Variants in ATP8B3 observed in about 807,000 individuals in gnomAD.
The protein encoded by ATP8B3 is ATPase phospholipid transporting 8B3, also known as phospholipid-transporting ATPase IK.
In ATP8B3, 141 loss-of-function variants were observed where a neutral mutation model predicts 140.9. The observed-to-expected ratio is 1.00, with a 90% CI of 0.87 to 1.15. The LOEUF (loss-of-function observed/expected upper bound fraction) is 1.15. Ranked by LOEUF, ATP8B3 falls within the 50% of genes most tolerant of loss-of-function variation. The pLI is 0.00. For missense variants in ATP8B3, 1,874 were observed against 1,740.6 expected (o/e 1.08, Z -1.36); for synonymous variants, 765 against 714.6 (o/e 1.07, Z -1.13).
rs775419310 is a variant in ATP8B3 at position 1,809,678 on chromosome 19, T to C, written c.367A>G (p.Lys123Glu). The change falls in exon 4 of 29, where the codon AAG becomes GAG. Residue 123 changes from lysine to glutamate, a missense_variant. Transcript: ENST00000310127. ...NRAYNGQFKEKVILCWQRKKY... is the reference protein window; with the variant it reads ...NRAYNGQFKEEVILCWQRKKY... ...TTCCTTTGCCAGCACAGGATCACCT[T>C]CTCCTTGAACTGCCCGTTGTAGGCA... The C allele has an allele frequency of 3.0e-5, 48 of 1,611,134 alleles. No individual in the cohort carries two copies. Among genetic ancestry groups the C allele is most frequent in the Non-Finnish European group, 3.6e-5 (43 of 1,179,112 alleles).
intron 24 of ATP8B3, among the ~76,000 whole-genome samples, 170 bp downstream of exon 24, chr19:1,788,727 C>G (rs548725633): frequency 3.3e-5 from 5 of 152,330 alleles, no homozygotes; most frequent in African/African-American, 1.2e-4. Context: ...CTCCCTTCAC[C>G]TGGACTCTAG....
rs1395189425 is a variant in ATP8B3 at position 1,805,530 on chromosome 19, A to G, written c.822-74T>C. On this transcript the variant is annotated intron_variant, in intron 9 of 28. Coordinates refer to ENST00000310127, the MANE Select transcript of ATP8B3 (RefSeq NM_138813.4). The surrounding 1 kb of genome is among the most constrained non-coding windows in gnomAD (Gnocchi z 5.2). ...CGAGGAGCCCCCAGACCCCTTCTGG[A>G]GTCACTCAAACATTTTCACTGAGCA... The G allele has an allele frequency of 7.8e-7, 1 of 1,280,088 alleles. No homozygotes were observed. Among genetic ancestry groups the G allele is most frequent in the Non-Finnish European group, 1.1e-6 (1 of 901,504 alleles). The allele number at this position is 1,280,088 out of a possible 1,614,324, so 79.3% of individuals were successfully genotyped here. A position where few individuals can be genotyped will look rare whatever the true frequency, so the allele number is the denominator to read the frequency against.
intron 14 of ATP8B3, among the ~76,000 whole-genome samples, chr19:1,797,466 ATTTT>A (rs1284196342): frequency 7.5e-6 from 1 of 133,230 alleles, no homozygotes; most frequent in Non-Finnish European, 1.6e-5. Flanking sequence ...GTTCTTTTTT[ATTTT>A]TATTTATTTA....
chr19:1,807,151 C>T lies in ATP8B3; in HGVS notation c.615+17G>A. 2 of 1,605,814 alleles carry T rather than the reference C, an allele frequency of 1.2e-6. No individual in the cohort carries two copies. Among genetic ancestry groups the T allele is most frequent in the East Asian group, 4.5e-5 (2 of 44,786 alleles). ...CCCCGCTCCCTCCCCCAGGCAGCTG[C>T]ATCCAACAGCACTCACCATGTCGTC... is the stretch of plus-strand genomic sequence containing the variant. On this transcript the variant is annotated intron_variant, in intron 6 of 28. Coordinates refer to ENST00000310127, the MANE Select transcript of ATP8B3 (RefSeq NM_138813.4). This position sits in a 1 kb window ranked among gnomAD's most constrained non-coding sequence, Gnocchi z 5.9.
In ATP8B3 at chr19:1,796,183, G is replaced by C. The variant is rs369853245; in HGVS notation, c.1836C>G (p.Ser612=). The C allele has an allele frequency of 2.5e-6, 4 of 1,612,772 alleles. No homozygotes were observed. Among genetic ancestry groups the C allele is most frequent in the Non-Finnish European group, 2.5e-6 (3 of 1,179,878 alleles). ...AARNFGYVFL[S]RTQDTVTIME... is the part of the protein sequence containing the mutation. ...TGATCGTGACGGTGTCCTGGGTGCG[G>C]GACAGGAACACGTAGCCGAAGTTCC... Residue 612 remains serine, a synonymous_variant, in exon 17 of 29, where the codon TCC becomes TCG. Coordinates refer to ENST00000310127, the MANE Select transcript of ATP8B3 (RefSeq NM_138813.4).
At chr19:1,783,381 G>T in intron 28 of ATP8B3, 111 bp from the exon 29 acceptor site, 1 of 1,364,412 alleles carries the variant, frequency 7.3e-7, no homozygotes. Context: ...ACTATTGATT[G>T]GCTACGTTCT....
Position 1,784,891 on chromosome 19 carries a change from A to G in ATP8B3, c.3588T>C (p.Ser1196=), listed in dbSNP as rs3764605. 0.47 allele frequency: 755,901 copies of G among 1,612,062 alleles called. 179,781 individuals carry two copies. The highest frequency in any genetic ancestry group is 0.51 in the Middle Eastern group (3,063 of 6,050). Residue 1196 remains serine, a synonymous_variant, in exon 28 of 29, where the codon AGT becomes AGC. Coordinates refer to ENST00000310127, the MANE Select transcript of ATP8B3 (RefSeq NM_138813.4). ...GGACAGGGAAGGTGTTTATGGACAC[A>G]CTCAGCAGGACCACCAGCAGGATGG... The part of the protein sequence containing the change: ...SPSILLVVLL[S]VSINTFPVLA...
At chr19:1,798,534 C>A (rs890498277) in intron 14 of ATP8B3, among the ~76,000 whole-genome samples, 3 of 148,496 alleles carry the variant, frequency 2.0e-5, no homozygotes, top group Non-Finnish European at 4.5e-5. Context: ...GTCAGGAGAT[C>A]GAGACCATCC....
intron 10 of ATP8B3, among the ~76,000 whole-genome samples, chr19:1,804,115 A>G (rs1209252149): frequency 6.6e-6 from 1 of 152,052 alleles, no homozygotes; most frequent in East Asian, 1.9e-4. Flanking sequence ...AGAAAACCAA[A>G]CAAAACTGTA....
At position 1,794,003 on chromosome 19, in the gene ATP8B3, TG is replaced by T. The variant is rs1415658236; in HGVS notation, c.2056-1869del. On this transcript the variant is annotated intron_variant, in intron 18 of 28. Transcript: ENST00000310127. This position sits in a 1 kb window ranked among gnomAD's most constrained non-coding sequence, Gnocchi z 4.8. ...ATGATCTGCCCGCCTCCCAAAGCAC[TG>T]GGATTACAGGCGTGAGCCATCGCGC... 6.6e-6 allele frequency among the ~76,000 whole-genome samples: 1 copy of T among 151,918 alleles called. No homozygotes were observed. The highest frequency in any genetic ancestry group is 1.5e-5 in the Non-Finnish European group (1 of 67,984).
In ATP8B3 at chr19:1,789,386, A is replaced by C. The variant is rs200289706; in HGVS notation, c.2820T>G (p.Gly940=). The change falls in exon 23 of 29, where the codon GGT becomes GGG. Residue 940 remains glycine (G), a synonymous_variant. Transcript: ENST00000310127. Reference sequence around the variant, plus strand: ...TCTTGATCATGTTGATGTCGTTGGCACCGTCCCCGATGGCCAGGGTCACCA... The same window carrying C: ...TCTTGATCATGTTGATGTCGTTGGCCCCGTCCCCGATGGCCAGGGTCACCA... ...HQVVTLAIGD[G]ANDINMIKTA... The C allele has an allele frequency of 2.2e-3, 3,470 of 1,578,482 alleles. 11 individuals are homozygous for C. Among genetic ancestry groups the C allele is most frequent in the Non-Finnish European group, 2.1e-3 (2,485 of 1,166,616 alleles).
At chr19:1,784,444 G>A (rs991073986) in intron 28 of ATP8B3, among the ~76,000 whole-genome samples, 2 of 152,202 alleles carry the variant, frequency 1.3e-5, no homozygotes, top group Admixed American at 6.5e-5. Context: ...GAGCCCGGAA[G>A]GTCGAGGCTG....
Position 1,800,438 on chromosome 19 carries a change from G to A in ATP8B3, c.1164C>T (p.Ser388=), listed in dbSNP as rs372338344. Residue 388 remains serine, a synonymous_variant, in exon 13 of 29, where the codon TCC becomes TCT. Transcript: ENST00000310127. The surrounding 1 kb of genome is among the most constrained non-coding windows in gnomAD (Gnocchi z 4.4). Reference sequence around the variant, plus strand: ...CCAACACCAGGCAGACAAGCACCACGGAGATGAAGATCTGGAAGGCAGACG... The same window carrying A: ...CCAACACCAGGCAGACAAGCACCACAGAGATGAAGATCTGGAAGGCAGACG... ...MNKLVVVIFI[S]VVLVCLVLAF... The A allele has an allele frequency of 9.0e-5, 145 of 1,611,960 alleles. No individual in the cohort carries two copies. The African/African-American group carries it at 1.5e-3, about 17-fold the overall frequency.
intron 14 of ATP8B3, among the ~76,000 whole-genome samples, chr19:1,797,565 G>C (rs1196730082): frequency 6.6e-6 from 1 of 150,426 alleles, no homozygotes; most frequent in Non-Finnish European, 1.5e-5. Flanking sequence ...AGTGGCACAA[G>C]CTCAGCTCAC....
chr19:1,811,192 G>A (rs193196651), intron 2 of ATP8B3, among the ~76,000 whole-genome samples: 23 of 152,322 alleles, frequency 1.5e-4, no homozygotes, highest in African/African-American at 4.1e-4. Context: ...CACAGCATGA[G>A]GGTCAGGCAT....
In ATP8B3 at chr19:1,806,225, C is replaced by A. The variant is rs984610924; in HGVS notation, c.678-56G>T. The A allele has an allele frequency of 1.2e-5, 18 of 1,548,314 alleles. 1 individual carries two copies. The highest frequency in any genetic ancestry group is 1.4e-5 in the African/African-American group (1 of 73,088). Reference sequence around the variant, plus strand: ...CCTCCCTCTGCCAACCCTCCCCACACCGGGAGACCAGAGGCACGGGATGAC... The same window carrying A: ...CCTCCCTCTGCCAACCCTCCCCACAACGGGAGACCAGAGGCACGGGATGAC... On this transcript the variant is annotated intron_variant, in intron 7 of 28. Coordinates refer to ENST00000310127, the MANE Select transcript of ATP8B3 (RefSeq NM_138813.4). This position sits in a 1 kb window ranked among gnomAD's most constrained non-coding sequence, Gnocchi z 5.6.
chr19:1,807,280 G>C lies in ATP8B3; in HGVS notation c.517-14C>G. ...GTCGGGAATGCTCTGACGTGAGGGG[G>C]CCACAGGAAGGGTCACACCAGCCCA... On this transcript the variant is annotated splice_polypyrimidine_tract_variant and intron_variant, in intron 5 of 28. Transcript: ENST00000310127. The surrounding 1 kb of genome is among the most constrained non-coding windows in gnomAD (Gnocchi z 5.9). 6.2e-7 allele frequency: 1 copy of C among 1,604,942 alleles called. No homozygotes were observed.
In ATP8B3 at chr19:1,782,351, G is replaced by A; in HGVS notation, c.*677C>T. ...CAATGACTGCTCCTCTGGGGGCAAG[G>A]ATAGCTGCTCCTCCCCGGGCACCAG... On this transcript the variant is annotated 3_prime_UTR_variant, in exon 29 of 29. Transcript: ENST00000310127. 1 of 292,378 alleles carries A rather than the reference G, an allele frequency of 3.4e-6. No homozygotes were observed. 18.1% of individuals were successfully genotyped at this position (292,378 alleles called of 1,614,324 possible).
At position 1,806,587 on chromosome 19, in the gene ATP8B3, C is replaced by T. The variant is rs1233077497; in HGVS notation, c.677+41G>A. 1 of 1,550,196 alleles carries T rather than the reference C, an allele frequency of 6.5e-7. No individual in the cohort carries two copies. The highest frequency in any genetic ancestry group is 2.4e-5 in the East Asian group (1 of 40,928). On this transcript the variant is annotated intron_variant, in intron 7 of 28. Coordinates refer to ENST00000310127, the MANE Select transcript of ATP8B3 (RefSeq NM_138813.4). This position sits in a 1 kb window ranked among gnomAD's most constrained non-coding sequence, Gnocchi z 5.6. ...CCGATGACCCTGCTGGGCTGGAGCC[C>T]CCGTGTCCCCGCGGATCCCCAGCTG...
Sources: allele counts gnomAD v4.1 joint callset (sites outside exome capture counted in the v4.1 genomes callset), GRCh38; gene constraint gnomAD v4.1.1; non-coding constraint Gnocchi (gnomAD v3.1); transcripts MANE v1.5; gene names NCBI Gene and HGNC (gene_info 2026-07-23, HGNC 2026-07-21).